The following IFT80 variants were observed in gnomAD, a reference collection of about 807,000 sequenced individuals.
IFT80 encodes the protein intraflagellar transport protein 80 homolog.
Under a neutral mutation model 107.9 loss-of-function variants are expected in IFT80, and 79 were observed. The observed-to-expected ratio is 0.73, with a 90% CI of 0.61 to 0.88. The LOEUF is 0.88. Among genes scored for constraint, IFT80 ranks in the 40% least tolerant of loss-of-function variants. IFT80 has a pLI of 0.00. For missense variants in IFT80, 797 were observed against 914.2 expected, an observed-to-expected ratio of 0.87 and a Z score of 1.65; for synonymous variants, 299 against 300.9, an observed-to-expected ratio of 0.99 and a Z score of 0.07.
intron 9 of IFT80, among the ~76,000 whole-genome samples, chr3:160,316,562 A>T (rs1487343839): frequency 1.3e-5 from 2 of 152,202 alleles, no homozygotes; most frequent in African/African-American, 4.8e-5. Flanking sequence ...AGGATAGACT[A>T]TAGCATATAT....
chr3:160,357,111 T>C (rs1176227681), intron 7 of IFT80, among the ~76,000 whole-genome samples: 6 of 152,162 alleles, frequency 3.9e-5, no homozygotes, highest in Non-Finnish European at 7.3e-5. Flanking sequence ...ATAGTCTTTC[T>C]TTTTCTGAGA....
At chr3:160,323,595 A>C (rs1051349716) in intron 8 of IFT80, among the ~76,000 whole-genome samples, 4 of 152,134 alleles carry the variant, frequency 2.6e-5, no homozygotes, top group Non-Finnish European at 5.9e-5. Flanking sequence ...ACAAAGACAC[A>C]ACATACCAGA....
At chr3:160,299,998 C>T (rs1168690807) in intron 12 of IFT80, among the ~76,000 whole-genome samples, 1 of 152,040 alleles carries the variant, frequency 6.6e-6, no homozygotes, top group Non-Finnish European at 1.5e-5. Flanking sequence ...TCCTCTCCTC[C>T]CACTCTCTAC....
chr3:160,352,651 T>C (rs2108354816), intron 8 of IFT80, among the ~76,000 whole-genome samples: 1 of 152,294 alleles, frequency 6.6e-6, no homozygotes, highest in South Asian at 2.1e-4. Flanking sequence ...ATGTGTATTT[T>C]TGCAATACCC....
intron 8 of IFT80, among the ~76,000 whole-genome samples, chr3:160,340,642 C>G (rs1214452828): frequency 6.6e-6 from 1 of 152,196 alleles, no homozygotes; most frequent in Non-Finnish European, 1.5e-5. Context: ...TTAAAGCCAG[C>G]AACAGCAGGT....
intron 19 of IFT80, among the ~76,000 whole-genome samples, chr3:160,268,039 G>A (rs1713481032): frequency 6.6e-6 from 1 of 152,132 alleles, no homozygotes; most frequent in South Asian, 2.1e-4. Flanking sequence ...GCATTTTCTG[G>A]TCAGTGCCCT....
chr3:160,318,909 G>C (rs1718009760), intron 9 of IFT80, among the ~76,000 whole-genome samples: 1 of 151,836 alleles, frequency 6.6e-6, no homozygotes, highest in African/African-American at 2.4e-5. Flanking sequence ...TCATGTGAGA[G>C]GTGCCCTCCC....
Position 160,277,313 on chromosome 3 carries a change from A to G in IFT80, c.2092T>C (p.Trp698Arg). ...GGAAAGCATTCTTATTACCTTTCCC[A>G]GTTGTAGAGATTAATATTGATCTGG... ...AIQININLYNWERALELAVKY... is the reference protein window; with the variant it reads ...AIQININLYNRERALELAVKY... The change falls in exon 18 of 20, where the codon TGG becomes CGG. Residue 698 changes from tryptophan (W) to arginine (R), a missense_variant. By Grantham distance (101) the Trp-to-Arg change is moderately radical (BLOSUM62 -3). Transcript: ENST00000326448. The G allele has an allele frequency of 6.2e-7, 1 of 1,612,246 alleles. No individual in the cohort carries two copies. Among genetic ancestry groups the G allele is most frequent in the Non-Finnish European group, 8.5e-7 (1 of 1,179,574 alleles).
intron 8 of IFT80, among the ~76,000 whole-genome samples, chr3:160,353,804 TTTC>T (rs940905344): frequency 1.3e-5 from 2 of 152,218 alleles, no homozygotes; most frequent in Non-Finnish European, 2.9e-5. Flanking sequence ...TTTATATCTT[TTTC>T]TTATTTATAC....
Position 160,384,611 on chromosome 3 carries a change from C to G in IFT80, c.-11G>C, listed in dbSNP as rs755685743. 1.1e-5 allele frequency: 18 copies of G among 1,580,558 alleles called. No individual in the cohort carries two copies. Among genetic ancestry groups the G allele is most frequent in the Non-Finnish European group, 1.5e-5 (17 of 1,150,164 alleles). Reference sequence around the variant, plus strand: ...TATCTTTAGTCTCATGACTCCACTTCCAGCAAAAATTTAAGATGCCACTTG... The same window carrying G: ...TATCTTTAGTCTCATGACTCCACTTGCAGCAAAAATTTAAGATGCCACTTG... On this transcript the variant is annotated 5_prime_UTR_variant, in exon 2 of 20. Coordinates refer to ENST00000326448, the MANE Select transcript of IFT80 (RefSeq NM_020800.3).
intron 8 of IFT80, among the ~76,000 whole-genome samples, chr3:160,333,135 C>CA (rs1045833527): frequency 6.6e-6 from 1 of 151,824 alleles, no homozygotes; most frequent in Admixed American, 6.6e-5. Context: ...TACCTAAACA[C>CA]AAAAAAGGTA....
chr3:160,306,587 A>G (rs536914027), intron 10 of IFT80, among the ~76,000 whole-genome samples: 8 of 151,682 alleles, frequency 5.3e-5, no homozygotes, highest in East Asian at 1.9e-4. Flanking sequence ...CATGTAAGGA[A>G]AAAAAAAAAC....
chr3:160,366,034 G>A lies in IFT80; in HGVS notation c.549+9C>T. On this transcript the variant is annotated intron_variant, in intron 6 of 19. Transcript: ENST00000326448. ...CCCTGATAACAATTTACAAATGACT[G>A]AGAAGTACCTGCAAAACTTTAGCAT... 2 of 1,602,254 alleles carry A rather than the reference G, an allele frequency of 1.2e-6. No homozygotes were observed. The highest frequency in any genetic ancestry group is 8.5e-7 in the Non-Finnish European group (1 of 1,169,696).
intron 8 of IFT80, among the ~76,000 whole-genome samples, chr3:160,353,292 A>G (rs181111297): frequency 6.6e-6 from 1 of 152,260 alleles, no homozygotes; most frequent in East Asian, 1.9e-4. Context: ...AGAAAATCTT[A>G]TATTAGACGC....
At chr3:160,326,110 T>C (rs1275886580) in intron 8 of IFT80, among the ~76,000 whole-genome samples, 1 of 152,020 alleles carries the variant, frequency 6.6e-6, no homozygotes, top group Non-Finnish European at 1.5e-5. Context: ...GTTACCTACA[T>C]AACAAACCTG....
chr3:160,279,330 C>A lies in IFT80; in HGVS notation c.1699G>T (p.Val567Phe). ...FSKNPHIVSF[V>F]GNQVTIRRAD... is the part of the protein sequence containing the mutation. Reference sequence around the variant, plus strand: ...CTTCTAATAGTTACTTGATTTCCAACAAAACTCACAATATGGGGATTTTTA... The same window carrying A: ...CTTCTAATAGTTACTTGATTTCCAAAAAAACTCACAATATGGGGATTTTTA... The change falls in exon 16 of 20, where the codon GTT becomes TTT. Residue 567 changes from valine to phenylalanine, a missense_variant. By Grantham distance (50) the Val-to-Phe change is conservative. Transcript: ENST00000326448. 1 of 1,612,664 alleles carries A rather than the reference C, an allele frequency of 6.2e-7. No homozygotes were observed. Among genetic ancestry groups the A allele is most frequent in the Non-Finnish European group, 8.5e-7 (1 of 1,179,066 alleles).
intron 19 of IFT80, among the ~76,000 whole-genome samples, chr3:160,259,461 C>A (rs910617558): frequency 1.3e-5 from 2 of 152,154 alleles, no homozygotes; most frequent in Non-Finnish European, 1.5e-5. Flanking sequence ...ATTAGCTTCC[C>A]CTAAGCATAT....
intron 12 of IFT80, among the ~76,000 whole-genome samples, chr3:160,291,029 A>G (rs1181949895): frequency 6.6e-6 from 1 of 152,242 alleles, no homozygotes. Flanking sequence ...GGGAATCAAT[A>G]AGATTACTCT....
chr3:160,366,196 T>G (rs1419614732), intron 5 of IFT80, 44 bp from the exon 6 acceptor site: 2 of 1,302,704 alleles, frequency 1.5e-6, no homozygotes, highest in East Asian at 4.6e-5. Context: ...TAAACTTTAA[T>G]TATTATGCCT....
Sources: allele counts gnomAD v4.1 joint callset (sites outside exome capture counted in the v4.1 genomes callset), GRCh38; gene constraint gnomAD v4.1.1; transcripts MANE v1.5; gene names NCBI Gene and HGNC (gene_info 2026-07-23, HGNC 2026-07-21).